Variants in CNOT4 observed in about 807,000 individuals in gnomAD.
CNOT4 encodes CCR4-NOT transcription complex subunit 4.
CNOT4 carries 8 observed loss-of-function variants against 73.8 expected under a neutral mutation model. That is an observed-to-expected ratio of 0.11 (90% CI 0.06 to 0.20). The LOEUF is 0.20. Among genes scored for constraint, CNOT4 ranks in the 10% least tolerant of loss-of-function variants. The pLI, the probability that CNOT4 is intolerant of heterozygous loss-of-function variation, is 1.00. For missense variants in CNOT4, 564 were observed against 883.4 expected, an observed-to-expected ratio of 0.64 and a Z score of 4.58; for synonymous variants, 293 against 321.1, an observed-to-expected ratio of 0.91 and a Z score of 0.94.
At chr7:135,489,363 A>T (rs1025182736) in intron 1 of CNOT4, among the ~76,000 whole-genome samples, 25 of 150,106 alleles carry the variant, frequency 1.7e-4, no homozygotes, top group Non-Finnish European at 3.7e-4. Context: ...TGCACTTAGC[A>T]CAATCTTGAT....
At chr7:135,453,826 T>TTATACA (rs1554438704) in intron 1 of CNOT4, among the ~76,000 whole-genome samples, 3 of 89,902 alleles carry the variant, frequency 3.3e-5, no homozygotes, top group African/African-American at 1.2e-4. Context: ...TATATATATT[T>TTATACA]TATATATATA....
chr7:135,465,042 C>T (rs775262547), intron 1 of CNOT4, among the ~76,000 whole-genome samples: 1 of 152,042 alleles, frequency 6.6e-6, no homozygotes, highest in Non-Finnish European at 1.5e-5. Context: ...GCTGTTGATA[C>T]ACTAAATTAT....
chr7:135,430,384 T>C (rs893357259), intron 2 of CNOT4, among the ~76,000 whole-genome samples: 2 of 152,198 alleles, frequency 1.3e-5, no homozygotes, highest in Non-Finnish European at 1.5e-5. Context: ...GTGCCTATAA[T>C]CCCAGCACTT....
At chr7:135,487,069 T>C (rs1802767671) in intron 1 of CNOT4, among the ~76,000 whole-genome samples, 1 of 152,160 alleles carries the variant, frequency 6.6e-6, no homozygotes, top group Non-Finnish European at 1.5e-5. Context: ...ATTCCTATTA[T>C]CTGTATTATC....
intron 10 of CNOT4, chr7:135,387,596 G>A (rs1057012586): frequency 2.0e-6 from 2 of 977,174 alleles, no homozygotes; most frequent in African/African-American, 3.5e-5. Flanking sequence ...TATCATAATG[G>A]TTAAAATCTC....
chr7:135,486,841 A>G (rs1393591429), intron 1 of CNOT4, among the ~76,000 whole-genome samples: 2 of 152,196 alleles, frequency 1.3e-5, no homozygotes, highest in African/African-American at 4.8e-5. Flanking sequence ...ACTTTTTTTT[A>G]AAGAAATGTT....
intron 10 of CNOT4, among the ~76,000 whole-genome samples, chr7:135,383,938 CCAAA>C (rs1204648897): frequency 6.6e-6 from 1 of 152,014 alleles, no homozygotes; most frequent in Non-Finnish European, 1.5e-5. Flanking sequence ...CCCCTTTTAA[CCAAA>C]CACTCAATAT....
At chr7:135,428,530 A>C (rs866599111) in intron 2 of CNOT4, among the ~76,000 whole-genome samples, 3 of 152,344 alleles carry the variant, frequency 2.0e-5, no homozygotes, top group African/African-American at 7.2e-5. Context: ...AAAAAAGAGC[A>C]AACATTACTT....
intron 1 of CNOT4, among the ~76,000 whole-genome samples, chr7:135,492,164 T>A (rs946609923): frequency 1.5e-4 from 23 of 152,118 alleles, no homozygotes; most frequent in African/African-American, 5.1e-4. Context: ...AAGTCATCTA[T>A]GAGAGGGGAG....
At chr7:135,396,263 G>A (rs1053926227) in intron 8 of CNOT4, among the ~76,000 whole-genome samples, 8 of 151,642 alleles carry the variant, frequency 5.3e-5, no homozygotes, top group Admixed American at 2.6e-4. Context: ...GACTACAGGC[G>A]CGTGCCACCA....
intron 10 of CNOT4, among the ~76,000 whole-genome samples, chr7:135,378,662 G>A (rs953020696): frequency 2.6e-5 from 4 of 151,952 alleles, no homozygotes; most frequent in African/African-American, 9.7e-5. Context: ...ACACTCAGTA[G>A]ACTGATGGAG....
chr7:135,387,673 T>C (rs1217244461), intron 10 of CNOT4: 9 of 985,140 alleles, frequency 9.1e-6, no homozygotes, highest in Non-Finnish European at 1.1e-5. Flanking sequence ...TCATGTTTTC[T>C]GAATCAGCTT....
chr7:135,453,847 T>TA (rs1554438701), intron 1 of CNOT4, among the ~76,000 whole-genome samples: 32,741 of 117,212 alleles, frequency 0.28, 4,640 homozygotes, highest in East Asian at 0.47. Context: ...TATATATATA[T>TA]TATATATATA....
intron 2 of CNOT4, among the ~76,000 whole-genome samples, chr7:135,432,660 A>G (rs1274160052): frequency 1.3e-5 from 2 of 152,052 alleles, no homozygotes; most frequent in East Asian, 3.9e-4. Flanking sequence ...CCTTTATCCC[A>G]TGATTCTCTG....
intron 1 of CNOT4, among the ~76,000 whole-genome samples, chr7:135,472,256 T>A (rs1416632611): frequency 6.7e-6 from 1 of 149,556 alleles, no homozygotes; most frequent in East Asian, 2.0e-4. Context: ...GGTGGGCAGA[T>A]CATGAGGTCA....
intron 1 of CNOT4, among the ~76,000 whole-genome samples, chr7:135,489,016 AC>A (rs1802926787): frequency 6.6e-6 from 1 of 152,140 alleles, no homozygotes; most frequent in Admixed American, 6.5e-5. Context: ...TCAGAAAAAA[AC>A]AAATTATTTT....
At chr7:135,504,886 C>G (rs560408063) in intron 1 of CNOT4, among the ~76,000 whole-genome samples, 2 of 152,136 alleles carry the variant, frequency 1.3e-5, no homozygotes, top group South Asian at 4.2e-4. Context: ...CCTCGGCCTC[C>G]CAAAGTGCTG....
chr7:135,459,104 T>G (rs1162717109), intron 1 of CNOT4, among the ~76,000 whole-genome samples: 1 of 151,758 alleles, frequency 6.6e-6, no homozygotes, highest in Non-Finnish European at 1.5e-5. Context: ...GACTGCAGAA[T>G]AGATGTTGTG....
chr7:135,467,674 G>A (rs1489889752), intron 1 of CNOT4, among the ~76,000 whole-genome samples: 1 of 152,066 alleles, frequency 6.6e-6, no homozygotes, highest in Non-Finnish European at 1.5e-5. Context: ...TCATGCTACT[G>A]CACTCCAGCC....
Sources: gnomAD v4.1 joint callset for allele counts (sites outside exome capture counted in the v4.1 genomes callset) on GRCh38, gnomAD v4.1.1 for gene constraint, MANE v1.5 for transcripts, NCBI Gene and HGNC (gene_info 2026-07-23, HGNC 2026-07-21) for gene names.